MLKL: variants seen among roughly 807,000 people sequenced by gnomAD.
MLKL encodes the protein mixed lineage kinase domain like pseudokinase, also known as mixed lineage kinase domain-like protein.
In MLKL, 55 loss-of-function variants were observed where a neutral mutation model predicts 56.5. That is an observed-to-expected ratio of 0.97 (90% CI 0.78 to 1.22). The LOEUF (loss-of-function observed/expected upper bound fraction) is 1.22, where lower values mean the gene tolerates loss of function less well. Ranked by LOEUF, MLKL falls within the 50% of genes most tolerant of loss-of-function variation. The pLI, the probability that MLKL is intolerant of heterozygous loss-of-function variation, is 0.00. For missense variants in MLKL, 694 were observed against 573.9 expected (o/e 1.21, Z -2.14); for synonymous variants, 251 against 208.3 (o/e 1.20, Z -1.76).
intron 1 of MLKL, among the ~76,000 whole-genome samples, chr16:74,698,867 G>A (rs371310184): frequency 2.6e-5 from 4 of 152,114 alleles, no homozygotes; most frequent in South Asian, 2.1e-4. Flanking sequence ...TAATCTCAGC[G>A]CTTTGGAAGG....
intron 10 of MLKL, among the ~76,000 whole-genome samples, 168 bp downstream of exon 10, chr16:74,674,792 C>T (rs573230523): frequency 3.0e-4 from 46 of 152,270 alleles, no homozygotes; most frequent in Middle Eastern, 6.8e-3. Context: ...CTCCATCCTA[C>T]CTCCCTGGCC....
intron 6 of MLKL, among the ~76,000 whole-genome samples, chr16:74,681,786 T>C (rs1407352501): frequency 6.6e-6 from 1 of 150,660 alleles, no homozygotes; most frequent in Non-Finnish European, 1.5e-5. Flanking sequence ...AGAGGGAGAC[T>C]CCATCTCAAG....
At chr16:74,689,171 G>C (rs1202316907) in intron 4 of MLKL, among the ~76,000 whole-genome samples, 2 of 149,748 alleles carry the variant, frequency 1.3e-5, no homozygotes, top group Non-Finnish European at 3.0e-5. Flanking sequence ...CTGGAGTGCA[G>C]TGGCACGATC....
At chr16:74,682,895 G>C (rs1240989317) in intron 5 of MLKL, 109 bp from the exon 6 acceptor site, 19 of 1,310,648 alleles carry the variant, frequency 1.4e-5, no homozygotes, top group Non-Finnish European at 1.8e-5. Context: ...GCTCTGCTGA[G>C]TCCCATTTCT....
chr16:74,699,510 A>G (rs966646650), intron 1 of MLKL, among the ~76,000 whole-genome samples: 1 of 152,240 alleles, frequency 6.6e-6, no homozygotes, highest in Non-Finnish European at 1.5e-5. Context: ...GGGAATATAC[A>G]TATATACACA....
intron 7 of MLKL, among the ~76,000 whole-genome samples, chr16:74,678,655 T>C (rs912512914): frequency 6.6e-6 from 1 of 152,040 alleles, no homozygotes; most frequent in African/African-American, 2.4e-5. Context: ...TGGTGGTGCA[T>C]GGCTGTAATC....
At chr16:74,691,835 C>T (rs938603258) in intron 3 of MLKL, among the ~76,000 whole-genome samples, 2 of 152,154 alleles carry the variant, frequency 1.3e-5, no homozygotes, top group African/African-American at 4.8e-5. Context: ...CATTTCAGAT[C>T]TAGTAGTTAG....
intron 5 of MLKL, 73 bp from the exon 6 acceptor site, chr16:74,682,859 C>A: frequency 6.4e-7 from 1 of 1,552,768 alleles, no homozygotes. Flanking sequence ...CCCACCTCTC[C>A]CAGCCTCGGT....
chr16:74,676,154 T>G (rs1959582870), intron 7 of MLKL: 5 of 724,040 alleles, frequency 6.9e-6, no homozygotes, highest in Non-Finnish European at 8.5e-6. Flanking sequence ...ATAGAGCCAC[T>G]GCCTGGCTCG....
intron 10 of MLKL, among the ~76,000 whole-genome samples, chr16:74,673,901 TG>T (rs1363245196): frequency 6.9e-6 from 1 of 145,032 alleles, no homozygotes; most frequent in African/African-American, 2.6e-5. Flanking sequence ...TGATCCTACC[TG>T]TCAATAGCCA....
At chr16:74,685,227 C>T (rs917489093) in intron 5 of MLKL, among the ~76,000 whole-genome samples, 3 of 152,060 alleles carry the variant, frequency 2.0e-5, no homozygotes, top group South Asian at 2.1e-4. Flanking sequence ...AAACATGCAC[C>T]CCCTTATTTC....
rs1373570570 is a variant in MLKL at position 74,675,550 on chromosome 16, T to G, written c.1190+63A>C. 3 of 1,581,768 alleles carry G rather than the reference T, an allele frequency of 1.9e-6. No homozygotes were observed. In the East Asian group the frequency reaches 6.7e-5, roughly 35 times the overall value. On this transcript the variant is annotated intron_variant, in intron 8 of 10. Transcript: ENST00000308807. ...TGAGTTTAGGTGGTCCTTGGAGGAG[T>G]TTGATTTGGGTTTTCCTATTATGCA...
chr16:74,675,544 G>A, intron 8 of MLKL, 69 bp downstream of exon 8: 2 of 1,577,442 alleles, frequency 1.3e-6, no homozygotes, highest in Non-Finnish European at 1.7e-6. Flanking sequence ...GTGGTCCTTG[G>A]AGGAGTTTGA....
chr16:74,693,467 A>AAAAAAAG (rs1484721890), intron 2 of MLKL, among the ~76,000 whole-genome samples: 1 of 67,748 alleles, frequency 1.5e-5, no homozygotes, highest in Non-Finnish European at 3.1e-5. Context: ...AAAAAAAAAA[A>AAAAAAAG]AGAAAAGAAA....
intron 3 of MLKL, 45 bp from the exon 4 acceptor site, chr16:74,691,508 C>T: frequency 1.3e-6 from 2 of 1,582,624 alleles, no homozygotes; most frequent in Non-Finnish European, 8.6e-7. Flanking sequence ...AGTCAATGAG[C>T]AGAGGAAGGG....
At chr16:74,690,022 C>G (rs937105826) in intron 4 of MLKL, among the ~76,000 whole-genome samples, 2 of 152,124 alleles carry the variant, frequency 1.3e-5, no homozygotes, top group Admixed American at 6.5e-5. Context: ...ATGTCTAAAG[C>G]TGACAAGTGC....
At chr16:74,693,603 A>AT (rs71376299) in intron 2 of MLKL, among the ~76,000 whole-genome samples, 25,154 of 135,798 alleles carry the variant, frequency 0.19, 3,094 homozygotes, top group East Asian at 0.43. Context: ...GAAATGGTAA[A>AT]TTTTTTTTTT....
chr16:74,697,849 G>A (rs1362735434), intron 1 of MLKL, among the ~76,000 whole-genome samples: 1 of 152,076 alleles, frequency 6.6e-6, no homozygotes, highest in Non-Finnish European at 1.5e-5. Flanking sequence ...TGAAGATGCT[G>A]CGGTTCAGGG....
At chr16:74,673,380 G>C (rs556873032) in intron 10 of MLKL, among the ~76,000 whole-genome samples, 1 of 152,060 alleles carries the variant, frequency 6.6e-6, no homozygotes, top group Non-Finnish European at 1.5e-5. Context: ...ACTATGCCCA[G>C]CTATTTTTTG....
Sources: gnomAD v4.1 joint callset for allele counts (sites outside exome capture counted in the v4.1 genomes callset) on GRCh38, gnomAD v4.1.1 for gene constraint, MANE v1.5 for transcripts, NCBI Gene and HGNC (gene_info 2026-07-23, HGNC 2026-07-21) for gene names.